The following DNM3 variants were observed in gnomAD, a reference collection of about 807,000 sequenced individuals.
The protein encoded by DNM3 is dynamin-3.
A neutral mutation model predicts 101.6 loss-of-function variants in DNM3; 47 were observed. That is an observed-to-expected ratio of 0.46 (90% CI 0.37 to 0.59). The LOEUF (loss-of-function observed/expected upper bound fraction) is 0.59, where lower values mean the gene tolerates loss of function less well. Among genes scored for constraint, DNM3 ranks in the 20% least tolerant of loss-of-function variants. The probability of loss-of-function intolerance (pLI) is 0.00; values close to 1 mark genes in which losing one functional copy is unlikely to be tolerated. For missense variants in DNM3, 849 were observed against 1,085.7 expected, an observed-to-expected ratio of 0.78 and a Z score of 3.06; for synonymous variants, 385 against 387.9, an observed-to-expected ratio of 0.99 and a Z score of 0.09.
chr1:172,330,612 A>G (rs1558005301), intron 17 of DNM3, among the ~76,000 whole-genome samples: 1 of 152,114 alleles, frequency 6.6e-6, no homozygotes, highest in Admixed American at 6.6e-5. Flanking sequence ...AGCAATATTA[A>G]TTTGTGGTCC....
At chr1:172,031,477 G>A (rs1007049770) in intron 4 of DNM3, among the ~76,000 whole-genome samples, 3 of 151,948 alleles carry the variant, frequency 2.0e-5, no homozygotes, top group Non-Finnish European at 4.4e-5. Flanking sequence ...TAGATGATGG[G>A]TTGATAGGTG....
At chr1:172,059,671 A>C in intron 10 of DNM3, among the ~76,000 whole-genome samples, 1 of 97,356 alleles carries the variant, frequency 1.0e-5, no homozygotes, top group African/African-American at 4.6e-5. Context: ...ACTCTCAATA[A>C]ATTAGGTATT....
At chr1:172,087,698 A>G (rs776414750) in intron 12 of DNM3, among the ~76,000 whole-genome samples, 19 of 151,988 alleles carry the variant, frequency 1.3e-4, no homozygotes, top group Non-Finnish European at 2.2e-4. Flanking sequence ...TTCTATCATC[A>G]TTGCCACTAC....
At chr1:172,130,732 G>A (rs1239460314) in intron 13 of DNM3, among the ~76,000 whole-genome samples, 1 of 152,152 alleles carries the variant, frequency 6.6e-6, no homozygotes, top group Non-Finnish European at 1.5e-5. Context: ...TTGCTGGCAG[G>A]TCTCTGGTGG....
chr1:172,087,194 A>T (rs756290620), intron 12 of DNM3, among the ~76,000 whole-genome samples: 1 of 152,104 alleles, frequency 6.6e-6, no homozygotes, highest in Non-Finnish European at 1.5e-5. Flanking sequence ...TTGCTTCAAT[A>T]ACCTTCCACT....
At chr1:172,378,056 A>T (rs983840375) in intron 17 of DNM3, 2 of 152,076 alleles carry the variant, frequency 1.3e-5, no homozygotes. Context: ...GAAGCAATAA[A>T]TTATTTCCCC....
At chr1:172,375,873 G>T (rs973609811) in intron 17 of DNM3, among the ~76,000 whole-genome samples, 6 of 150,824 alleles carry the variant, frequency 4.0e-5, no homozygotes, top group African/African-American at 1.5e-4. Context: ...AATTAGCTGG[G>T]CGTGGCATGT....
At chr1:172,302,432 C>A (rs916255532) in intron 15 of DNM3, among the ~76,000 whole-genome samples, 1 of 152,254 alleles carries the variant, frequency 6.6e-6, no homozygotes, top group Admixed American at 6.5e-5. Context: ...GACTCCACAT[C>A]TGGGGACAGG....
intron 16 of DNM3, among the ~76,000 whole-genome samples, chr1:172,316,548 A>T (rs2065368422): frequency 6.6e-6 from 1 of 152,154 alleles, no homozygotes; most frequent in Admixed American, 6.5e-5. Context: ...AGGAAGATCT[A>T]CCAAGCAAAT....
Position 172,033,306 on chromosome 1 carries a change from A to C in DNM3, c.849+41A>C, listed in dbSNP as rs374807000. ...CAAGCAACAAGAACAATTATGAAAT[A>C]TGTAAGTAGGTGCTGGAATTCATAT... On this transcript the variant is annotated intron_variant, in intron 6 of 20. Coordinates refer to ENST00000627582, the MANE Select transcript of DNM3 (RefSeq NM_015569.5). 12 of 1,530,502 alleles carry C rather than the reference A, an allele frequency of 7.8e-6. No homozygotes were observed. In the African/African-American group the frequency reaches 1.1e-4, roughly 14 times the overall value. The allele number at this position is 1,530,502 out of a possible 1,614,324, so 94.8% of individuals were successfully genotyped here. A position where few individuals can be genotyped will look rare whatever the true frequency, so the allele number is the denominator to read the frequency against.
intron 1 of DNM3, among the ~76,000 whole-genome samples, chr1:171,903,062 G>A (rs2038511797): frequency 6.6e-6 from 1 of 152,036 alleles, no homozygotes; most frequent in Admixed American, 6.6e-5. Flanking sequence ...GGATGGGGTG[G>A]GAGGATTGCT....
At chr1:172,244,930 G>C (rs1210779442) in intron 14 of DNM3, among the ~76,000 whole-genome samples, 1 of 152,174 alleles carries the variant, frequency 6.6e-6, no homozygotes, top group East Asian at 1.9e-4. Flanking sequence ...CCAGATTTTA[G>C]TTTTCAACAG....
chr1:172,357,573 G>A (rs1298422945), intron 17 of DNM3, among the ~76,000 whole-genome samples: 1 of 151,988 alleles, frequency 6.6e-6, no homozygotes, highest in Non-Finnish European at 1.5e-5. Flanking sequence ...AAAGACTGAG[G>A]TATTGCTCCA....
chr1:172,160,379 A>G (rs2058503190), intron 14 of DNM3, among the ~76,000 whole-genome samples: 1 of 152,112 alleles, frequency 6.6e-6, no homozygotes, highest in African/African-American at 2.4e-5. Flanking sequence ...ACTGTAAAAA[A>G]AATTTCTTTT....
In DNM3 at chr1:172,318,884, C is replaced by G. The variant is rs372805892; in HGVS notation, c.1882-4445C>G. 2.3e-4 allele frequency among the ~76,000 whole-genome samples: 35 copies of G among 152,300 alleles called. No individual in the cohort carries two copies. The East Asian group carries it at 5.6e-3, about 24-fold the overall frequency. On this transcript the variant is annotated intron_variant, in intron 16 of 20. Transcript: ENST00000627582. ...ACTTTCTTCACAGACTTGGAAAAAA[C>G]TACTTTAAAGTTCATGTGGAACCAA...
intron 8 of DNM3, among the ~76,000 whole-genome samples, chr1:172,044,091 T>C (rs1474466641): frequency 6.6e-6 from 1 of 152,180 alleles, no homozygotes; most frequent in Non-Finnish European, 1.5e-5. Flanking sequence ...GAATGAAGAA[T>C]TATACATTTC....
intron 11 of DNM3, among the ~76,000 whole-genome samples, chr1:172,070,247 A>G (rs2052051483): frequency 6.6e-6 from 1 of 152,210 alleles, no homozygotes. Flanking sequence ...AATCAGTATT[A>G]ACTCCTGAGT....
intron 1 of DNM3, among the ~76,000 whole-genome samples, chr1:171,901,982 A>G (rs796855515): frequency 5.3e-5 from 8 of 152,334 alleles, no homozygotes; most frequent in African/African-American, 1.9e-4. Flanking sequence ...AAGAATGCCC[A>G]GGAAGCTATA....
intron 14 of DNM3, among the ~76,000 whole-genome samples, chr1:172,169,283 T>C (rs957223536): frequency 6.6e-6 from 1 of 151,886 alleles, no homozygotes; most frequent in African/African-American, 2.4e-5. Flanking sequence ...CTTGAATGGG[T>C]CAAATACTCC....
Sources: allele counts gnomAD v4.1 joint callset (sites outside exome capture counted in the v4.1 genomes callset), GRCh38; gene constraint gnomAD v4.1.1; transcripts MANE v1.5; gene names NCBI Gene and HGNC (gene_info 2026-07-23, HGNC 2026-07-21).